Variants in WWOX observed in about 807,000 individuals in gnomAD.
WWOX encodes the protein WW domain-containing oxidoreductase.
WWOX carries 69 observed loss-of-function variants against 46.2 expected under a neutral mutation model. The ratio of observed to expected loss-of-function variants is 1.49; its 90% confidence interval spans 1.23 to 1.82. The LOEUF (loss-of-function observed/expected upper bound fraction) is 1.82. Among genes scored for constraint, WWOX ranks in the 40% most tolerant of loss-of-function variants. The pLI is 0.00. For missense variants in WWOX, 919 were observed against 542.6 expected (o/e 1.69, Z -6.89); for synonymous variants, 359 against 202.6 (o/e 1.77, Z -6.56).
intron 5 of WWOX, chr16:78,355,550 C>T: frequency 2.4e-6 from 1 of 420,160 alleles, no homozygotes; most frequent in Non-Finnish European, 4.7e-6. Context: ...CGTAGACCAG[C>T]AGCAAACTAC....
At chr16:78,714,053 A>G (rs2048507115) in intron 8 of WWOX, among the ~76,000 whole-genome samples, 1 of 152,132 alleles carries the variant, frequency 6.6e-6, no homozygotes, top group South Asian at 2.1e-4. Flanking sequence ...AAGAAGGCAA[A>G]ATGATGACTT....
chr16:78,129,854 C>G (rs1205638785), intron 4 of WWOX, among the ~76,000 whole-genome samples: 4 of 152,062 alleles, frequency 2.6e-5, no homozygotes, highest in Admixed American at 6.6e-5. Context: ...TGTTGAAACC[C>G]TAATCTTAAG....
At chr16:78,994,580 C>T (rs2046950735) in intron 8 of WWOX, among the ~76,000 whole-genome samples, 1 of 152,144 alleles carries the variant, frequency 6.6e-6, no homozygotes, top group African/African-American at 2.4e-5. Context: ...CGAGGCGTTG[C>T]TTTGTGCACA....
At chr16:79,132,045 G>C (rs936299604) in intron 8 of WWOX, among the ~76,000 whole-genome samples, 11 of 151,778 alleles carry the variant, frequency 7.2e-5, no homozygotes, top group Non-Finnish European at 1.3e-4. Context: ...CATAACACAT[G>C]GGAATTATGG....
intron 8 of WWOX, among the ~76,000 whole-genome samples, chr16:78,749,652 T>G (rs2049430532): frequency 6.6e-6 from 1 of 152,144 alleles, no homozygotes; most frequent in Non-Finnish European, 1.5e-5. Flanking sequence ...TGTTTTCTGG[T>G]CTAGCTAAGG....
intron 8 of WWOX, among the ~76,000 whole-genome samples, chr16:79,004,885 T>TG (rs1409566413): frequency 5.9e-5 from 9 of 152,146 alleles, no homozygotes; most frequent in East Asian, 1.9e-4. Flanking sequence ...TTTGTAATTT[T>TG]GGGGGGGTTA....
chr16:78,587,983 G>C (rs1246453386), intron 8 of WWOX, among the ~76,000 whole-genome samples: 1 of 152,216 alleles, frequency 6.6e-6, no homozygotes, highest in Non-Finnish European at 1.5e-5. Flanking sequence ...GTCTTTTGTA[G>C]TTGTGGCAAA....
intron 8 of WWOX, among the ~76,000 whole-genome samples, chr16:78,639,250 T>C (rs1007108757): frequency 6.6e-6 from 1 of 152,152 alleles, no homozygotes; most frequent in African/African-American, 2.4e-5. Context: ...CAATGACACA[T>C]GCAGTGTGGG....
At chr16:78,394,699 C>A (rs561249507) in intron 6 of WWOX, among the ~76,000 whole-genome samples, 1 of 152,244 alleles carries the variant, frequency 6.6e-6, no homozygotes, top group East Asian at 1.9e-4. Context: ...TTGCTTTTGC[C>A]GTGGTAGCCT....
intron 8 of WWOX, among the ~76,000 whole-genome samples, chr16:78,999,503 C>T (rs994740697): frequency 6.6e-6 from 1 of 152,106 alleles, no homozygotes; most frequent in South Asian, 2.1e-4. Context: ...CACTTATGCT[C>T]TTGATGGTAC....
intron 8 of WWOX, among the ~76,000 whole-genome samples, chr16:78,908,668 G>A (rs1208478310): frequency 6.6e-6 from 1 of 152,156 alleles, no homozygotes. Flanking sequence ...AGTGAGAAGA[G>A]GGTCAGGGAA....
rs140453256 is a variant in WWOX at position 79,156,236 on chromosome 16, A to G, written c.1057-55372A>G. Among the ~76,000 whole-genome samples the G allele has an allele frequency of 9.3e-3, 1,418 of 152,288 alleles. 10 individuals carry two copies. Among genetic ancestry groups the G allele is most frequent in the Non-Finnish European group, 0.016 (1,072 of 68,024 alleles). On this transcript the variant is annotated intron_variant, in intron 8 of 8. Coordinates refer to ENST00000566780, the MANE Select transcript of WWOX (RefSeq NM_016373.4). ...GAGTGCAGTGGTACAATTTCAGCTCACTGCAACCTTTGCATCCTGGGCTCA... is the reference window on the plus strand; with the variant it reads ...GAGTGCAGTGGTACAATTTCAGCTCGCTGCAACCTTTGCATCCTGGGCTCA...
rs141763486 is a variant in WWOX at position 78,870,700 on chromosome 16, C to G, written c.1057-340908C>G. On this transcript the variant is annotated intron_variant, in intron 8 of 8. Transcript: ENST00000566780. ...CACGGCAACCTCTGCCTCCTGGGTT[C>G]AAGCAATTCTCCTGCCTCAGTCTCC... Among the ~76,000 whole-genome samples the G allele has an allele frequency of 4.8e-4, 73 of 152,270 alleles. No individual in the cohort carries two copies. In the East Asian group the frequency reaches 0.013, roughly 28 times the overall value.
intron 8 of WWOX, among the ~76,000 whole-genome samples, chr16:78,741,253 T>C (rs2049219614): frequency 6.6e-6 from 1 of 152,152 alleles, no homozygotes; most frequent in South Asian, 2.1e-4. Flanking sequence ...CATTGCCATG[T>C]TTAGCAAATA....
At chr16:78,786,803 T>C (rs757838936) in intron 8 of WWOX, among the ~76,000 whole-genome samples, 1 of 152,234 alleles carries the variant, frequency 6.6e-6, no homozygotes, top group Non-Finnish European at 1.5e-5. Flanking sequence ...ATGTTTCTAA[T>C]ACATGCTTTA....
chr16:78,190,936 C>G (rs1414082148), intron 5 of WWOX, among the ~76,000 whole-genome samples: 2 of 152,292 alleles, frequency 1.3e-5, no homozygotes, highest in East Asian at 1.9e-4. Flanking sequence ...TATCAGTCAT[C>G]TGATCATTGT....
At chr16:78,819,013 G>C (rs2051420271) in intron 8 of WWOX, among the ~76,000 whole-genome samples, 1 of 152,186 alleles carries the variant, frequency 6.6e-6, no homozygotes, top group Non-Finnish European at 1.5e-5. Context: ...CTAGAATGGA[G>C]GCTTGTTGAG....
At position 78,432,779 on chromosome 16, in the gene WWOX, A is replaced by C. The variant is rs750258685; in HGVS notation, c.1056+27A>C. 5 of 1,613,834 alleles carry C rather than the reference A, an allele frequency of 3.1e-6. 1 individual carries two copies. Among genetic ancestry groups the C allele is most frequent in the Non-Finnish European group, 2.5e-6 (3 of 1,179,972 alleles). ...TAAGAGAACAGCTTCTGGCGCCGCA[A>C]ACACCTTGGGTCCTAGAGAAACCTG... On this transcript the variant is annotated intron_variant, in intron 8 of 8. Coordinates refer to ENST00000566780, the MANE Select transcript of WWOX (RefSeq NM_016373.4).
chr16:78,311,335 T>C (rs1198165679), intron 5 of WWOX, among the ~76,000 whole-genome samples: 1 of 152,164 alleles, frequency 6.6e-6, no homozygotes, highest in African/African-American at 2.4e-5. Flanking sequence ...AATGAACACT[T>C]AACAGAGTCA....
Sources: gnomAD v4.1 joint callset for allele counts (sites outside exome capture counted in the v4.1 genomes callset) on GRCh38, gnomAD v4.1.1 for gene constraint, MANE v1.5 for transcripts, NCBI Gene and HGNC (gene_info 2026-07-23, HGNC 2026-07-21) for gene names.